The following PCDHA6 variants were observed in gnomAD, a reference collection of about 807,000 sequenced individuals.
PCDHA6 encodes protocadherin alpha-6.
A neutral mutation model predicts 60.3 loss-of-function variants in PCDHA6; 55 were observed. The observed-to-expected ratio is 0.91, with a 90% CI of 0.73 to 1.14. The LOEUF (loss-of-function observed/expected upper bound fraction) is 1.14. PCDHA6 is among the 50% of genes most tolerant of loss of function. PCDHA6 has a pLI of 0.00. For missense variants in PCDHA6, 1,327 were observed against 1,256.5 expected, an observed-to-expected ratio of 1.06 and a Z score of -0.85; for synonymous variants, 652 against 557.9, an observed-to-expected ratio of 1.17 and a Z score of -2.38.
At chr5:140,870,806 A>AGAGT in intron 1 of PCDHA6, 1 of 1,613,688 alleles carries the variant, frequency 6.2e-7, no homozygotes, top group Non-Finnish European at 8.5e-7. Flanking sequence ...CTGGCGACTC[A>AGAGT]GGCTGGCAGC....
intron 1 of PCDHA6, among the ~76,000 whole-genome samples, chr5:140,897,888 G>C (rs1554187649): frequency 6.6e-6 from 1 of 152,150 alleles, no homozygotes; most frequent in Non-Finnish European, 1.5e-5. Flanking sequence ...ATTCTAACTG[G>C]TGTGAGATGG....
intron 1 of PCDHA6, chr5:140,868,997 G>T: frequency 6.6e-7 from 1 of 1,517,542 alleles, no homozygotes; most frequent in Non-Finnish European, 8.8e-7. Flanking sequence ...ACCGTTTAAG[G>T]ATCCTTTGAA....
intron 1 of PCDHA6, among the ~76,000 whole-genome samples, chr5:140,945,772 T>C (rs538344111): frequency 1.3e-5 from 2 of 152,110 alleles, no homozygotes; most frequent in Non-Finnish European, 2.9e-5. Flanking sequence ...GACAATTTGA[T>C]ATCCAGATGC....
intron 2 of PCDHA6, among the ~76,000 whole-genome samples, chr5:140,981,854 C>T (rs2096954295): frequency 6.6e-6 from 1 of 152,132 alleles, no homozygotes; most frequent in South Asian, 2.1e-4. Flanking sequence ...GTATCTCACT[C>T]CCAGCAATGT....
At chr5:140,902,861 G>A (rs782302668) in intron 1 of PCDHA6, among the ~76,000 whole-genome samples, 21 of 152,088 alleles carry the variant, frequency 1.4e-4, no homozygotes, top group Admixed American at 5.2e-4. Context: ...TGGCGTCCAG[G>A]TCCACCCAAG....
At chr5:140,886,654 T>C (rs2061065769) in intron 1 of PCDHA6, among the ~76,000 whole-genome samples, 1 of 151,782 alleles carries the variant, frequency 6.6e-6, no homozygotes, top group African/African-American at 2.4e-5. Context: ...GGTGAAACCC[T>C]GTCTCTACTA....
intron 1 of PCDHA6, among the ~76,000 whole-genome samples, chr5:140,900,829 A>G (rs2068324648): frequency 6.6e-6 from 1 of 152,110 alleles, no homozygotes; most frequent in Non-Finnish European, 1.5e-5. Context: ...TCCCACCAAC[A>G]ATGTACAAAG....
At chr5:140,984,177 A>G (rs1337365733) in intron 3 of PCDHA6, among the ~76,000 whole-genome samples, 3 of 152,190 alleles carry the variant, frequency 2.0e-5, no homozygotes, top group Non-Finnish European at 4.4e-5. Context: ...AAGCCACGTG[A>G]AATCATGACT....
intron 1 of PCDHA6, chr5:140,856,946 G>T: frequency 6.3e-7 from 1 of 1,593,334 alleles, no homozygotes; most frequent in East Asian, 2.2e-5. Context: ...AAGGACGGGA[G>T]AAATAAAAGT....
At chr5:140,946,097 C>T (rs1452170851) in intron 1 of PCDHA6, among the ~76,000 whole-genome samples, 1 of 151,826 alleles carries the variant, frequency 6.6e-6, no homozygotes, top group Admixed American at 6.6e-5. Context: ...AAGGAGTTAA[C>T]ATACCAAATA....
intron 1 of PCDHA6, chr5:140,966,905 T>C (rs1554228876): frequency 1.9e-6 from 3 of 1,600,790 alleles, no homozygotes; most frequent in Non-Finnish European, 2.5e-6. Flanking sequence ...GCTGCGATAC[T>C]CTGTGCCAGA....
Position 140,848,296 on chromosome 5 carries a change from G to T in PCDHA6, c.2394+17811G>T, listed in dbSNP as rs181978789. 1.7e-5 allele frequency: 11 copies of T among 652,922 alleles called. No individual in the cohort carries two copies. The East Asian group carries it at 2.5e-4, about 15-fold the overall frequency. 40.4% of individuals were successfully genotyped at this position (652,922 alleles called of 1,614,324 possible). ...AATATGTACTTACACTTTGGGCCACGTGATGTCACTCTTTGCCGCGATGTT... is the reference window on the plus strand; with the variant it reads ...AATATGTACTTACACTTTGGGCCACTTGATGTCACTCTTTGCCGCGATGTT... On this transcript the variant is annotated intron_variant, in intron 1 of 3. Coordinates refer to ENST00000529310, the MANE Select transcript of PCDHA6 (RefSeq NM_018909.4).
chr5:140,865,624 T>C (rs1554159533), intron 1 of PCDHA6: 1 of 152,176 alleles, frequency 6.6e-6, no homozygotes, highest in East Asian at 1.9e-4. Context: ...TTGTTAGACA[T>C]CATGAAGGGA....
intron 1 of PCDHA6, chr5:140,859,996 T>A (rs181986889): frequency 4.7e-4 from 71 of 152,116 alleles, no homozygotes; most frequent in Non-Finnish European, 8.7e-4. Context: ...TCTCCATCAA[T>A]ACTAACTTAA....
intron 1 of PCDHA6, chr5:140,884,455 G>A: frequency 2.5e-6 from 4 of 1,613,784 alleles, no homozygotes; most frequent in Non-Finnish European, 3.4e-6. Flanking sequence ...CGCCCACCGA[G>A]GGCGCGTGCG....
chr5:140,922,564 A>G (rs556829032), intron 1 of PCDHA6, among the ~76,000 whole-genome samples: 1 of 152,358 alleles, frequency 6.6e-6, no homozygotes, highest in South Asian at 2.1e-4. Context: ...AGTCAGGATG[A>G]CAAGTTGCCC....
intron 1 of PCDHA6, among the ~76,000 whole-genome samples, chr5:140,919,753 T>C (rs1386045187): frequency 6.6e-6 from 1 of 152,212 alleles, no homozygotes; most frequent in Non-Finnish European, 1.5e-5. Flanking sequence ...ATTTCTCTTC[T>C]GCCTTTTGTA....
rs782358243 is a variant in PCDHA6, at chr5:140,828,988, G to C, written c.897G>C (p.Thr299=). 1 of 1,613,864 alleles carries C rather than the reference G, an allele frequency of 6.2e-7. No homozygotes were observed. The highest frequency in any genetic ancestry group is 1.3e-5 in the African/African-American group (1 of 74,902). Residue 299 remains threonine, a synonymous_variant, in exon 1 of 4, where the codon ACG becomes ACC. Coordinates refer to ENST00000529310, the MANE Select transcript of PCDHA6 (RefSeq NM_018909.4). ...ACCACTTTAGCATAGATCGAAATAC[G>C]GGAGAAATAGTGATTCGGGGTAATT... is the stretch of plus-strand genomic sequence containing the variant. The part of the protein sequence containing the change: ...VIDHFSIDRN[T]GEIVIRGNLD...
intron 1 of PCDHA6, chr5:140,927,113 A>G (rs782135853): frequency 1.9e-6 from 3 of 1,613,684 alleles, no homozygotes; most frequent in African/African-American, 1.3e-5. Context: ...CCCAGCGGCA[A>G]TTTGGTGGTC....
Sources: gnomAD v4.1 joint callset for allele counts (sites outside exome capture counted in the v4.1 genomes callset) on GRCh38, gnomAD v4.1.1 for gene constraint, MANE v1.5 for transcripts, NCBI Gene and HGNC (gene_info 2026-07-23, HGNC 2026-07-21) for gene names.